The following MGST1 variants were observed in gnomAD, a reference collection of about 807,000 sequenced individuals.
The protein encoded by MGST1 is glutathione S-transferase 12.
A neutral mutation model predicts 8.9 loss-of-function variants in MGST1; 5 were observed. The ratio of observed to expected loss-of-function variants is 0.56; its 90% CI spans 0.29 to 1.19. The LOEUF is 1.19. Among genes scored for constraint, MGST1 ranks in the 50% most tolerant of loss-of-function variants. The pLI is 0.08. For missense variants in MGST1, 182 were observed against 187.4 expected (o/e 0.97, Z 0.17); for synonymous variants, 54 against 67.8 (o/e 0.80, Z 1.00).
At chr12:16,499,350 T>A (rs1247948136) in intron 4 of MGST1, among the ~76,000 whole-genome samples, 2 of 152,246 alleles carry the variant, frequency 1.3e-5, no homozygotes, top group Non-Finnish European at 2.9e-5. Flanking sequence ...TCAGGCAGTC[T>A]CTCTCTTCCT....
At chr12:16,404,496 A>G (rs1940683756) in intron 1 of MGST1, among the ~76,000 whole-genome samples, 1 of 151,802 alleles carries the variant, frequency 6.6e-6, no homozygotes, top group Admixed American at 6.6e-5. Flanking sequence ...ATTTTTAATT[A>G]TTTATTCTTT....
intron 4 of MGST1, among the ~76,000 whole-genome samples, chr12:16,472,317 TG>T (rs751810412): frequency 1.3e-5 from 2 of 152,160 alleles, no homozygotes; most frequent in Non-Finnish European, 2.9e-5. Flanking sequence ...CCACTACTGG[TG>T]TGATCATTTT....
intron 4 of MGST1, among the ~76,000 whole-genome samples, chr12:16,563,206 G>A (rs1406532112): frequency 1.3e-5 from 2 of 152,064 alleles, no homozygotes; most frequent in African/African-American, 2.4e-5. Context: ...GTGGAGATGC[G>A]GAAATCTGAT....
chr12:16,551,170 AAAGAT>A, intron 4 of MGST1: 1 of 1,178,974 alleles, frequency 8.5e-7, no homozygotes, highest in Non-Finnish European at 1.3e-6. Flanking sequence ...GTGGAGCAAA[AAAGAT>A]AAAAGAATGT....
At chr12:16,571,671 T>C (rs1203216213) in intron 4 of MGST1, among the ~76,000 whole-genome samples, 1 of 152,020 alleles carries the variant, frequency 6.6e-6, no homozygotes, top group Non-Finnish European at 1.5e-5. Context: ...TTTCACAATT[T>C]CTGTTCTTTG....
Position 16,546,062 on chromosome 12 carries a change from G to A in MGST1, n.483-43466G>A, listed in dbSNP as rs1941822125. On this transcript the variant is annotated intron_variant and non_coding_transcript_variant, in intron 4 of 4. Coordinates refer to the MGST1 transcript ENST00000538857. The surrounding 1 kb of genome is among the most constrained non-coding windows in gnomAD (Gnocchi z 4.7). ...GTGCTTTCATTTTAATAGTACCTGTGTCACAGGGGTGTTGTGGGAATTACA... is the reference window on the plus strand; with the variant it reads ...GTGCTTTCATTTTAATAGTACCTGTATCACAGGGGTGTTGTGGGAATTACA... Among the ~76,000 whole-genome samples, 1 of 152,028 alleles carries A rather than the reference G, an allele frequency of 6.6e-6. No individual in the cohort carries two copies. The highest frequency in any genetic ancestry group is 2.4e-5 in the African/African-American group (1 of 41,412).
intron 4 of MGST1, among the ~76,000 whole-genome samples, chr12:16,468,514 A>G (rs1382836263): frequency 6.6e-6 from 1 of 152,178 alleles, no homozygotes; most frequent in Non-Finnish European, 1.5e-5. Context: ...TACATCACTC[A>G]TTTAACACCA....
chr12:16,436,133 G>GAA (rs1940983889), intron 1 of MGST1, among the ~76,000 whole-genome samples: 1 of 151,746 alleles, frequency 6.6e-6, no homozygotes, highest in Non-Finnish European at 1.5e-5. Flanking sequence ...CTTCCAACAG[G>GAA]AAAAAGGCAT....
intron 4 of MGST1, among the ~76,000 whole-genome samples, chr12:16,478,503 A>C (rs528336972): frequency 6.6e-6 from 1 of 152,028 alleles, no homozygotes; most frequent in Non-Finnish European, 1.5e-5. Flanking sequence ...TTCCAAACCT[A>C]TGTGATTCTT....
Position 16,503,019 on chromosome 12 carries a change from A to G in MGST1, n.483-86509A>G, listed in dbSNP as rs1265109081. On this transcript the variant is annotated intron_variant and non_coding_transcript_variant, in intron 4 of 4. Coordinates refer to the MGST1 transcript ENST00000538857. This position sits in a 1 kb window ranked among gnomAD's most constrained non-coding sequence, Gnocchi z 4.8. ...GGATTTTGAGGTAGAGCAGTATGACATTAGGAGTAGAATATGAATGACAAG... is the reference window on the plus strand; with the variant it reads ...GGATTTTGAGGTAGAGCAGTATGACGTTAGGAGTAGAATATGAATGACAAG... 1.3e-5 allele frequency among the ~76,000 whole-genome samples: 2 copies of G among 152,206 alleles called. No individual in the cohort carries two copies. The highest frequency in any genetic ancestry group is 6.5e-5 in the Admixed American group (1 of 15,276).
At chr12:16,590,992 A>C (rs1255465164), downstream of MGST1, among the ~76,000 whole-genome samples, 6 of 152,112 alleles carry the variant, frequency 3.9e-5, no homozygotes, top group Admixed American at 3.9e-4. Flanking sequence ...TCAATTCAGC[A>C]GATGAATTCT....
downstream of MGST1, among the ~76,000 whole-genome samples, chr12:16,591,984 C>T (rs1943506694): frequency 6.6e-6 from 1 of 151,918 alleles, no homozygotes; most frequent in South Asian, 2.1e-4. The surrounding 1 kb of genome is among the most constrained non-coding windows in gnomAD (Gnocchi z 4.1). Flanking sequence ...AGTTATTTGA[C>T]AATAATAGTG....
At chr12:16,540,701 C>A (rs1161140144) in intron 4 of MGST1, among the ~76,000 whole-genome samples, 2 of 152,124 alleles carry the variant, frequency 1.3e-5, no homozygotes, top group African/African-American at 2.4e-5. Context: ...GAGGCTGAGG[C>A]AGGAGGATCA....
In MGST1 at chr12:16,582,873, C is replaced by T. The variant is rs1229477362; in HGVS notation, n.483-6655C>T. On this transcript the variant is annotated intron_variant and non_coding_transcript_variant, in intron 4 of 4. Coordinates refer to the MGST1 transcript ENST00000538857. This position sits in a 1 kb window ranked among gnomAD's most constrained non-coding sequence, Gnocchi z 4.1. ...GACCAGCCTGGCCAACATGGCGAAA[C>T]CCCGTCTCTACTAAAATAAAAAAAT... Among the ~76,000 whole-genome samples, 2 of 151,920 alleles carry T rather than the reference C, an allele frequency of 1.3e-5. No individual in the cohort carries two copies. Among genetic ancestry groups the T allele is most frequent in the East Asian group, 3.9e-4 (2 of 5,166 alleles).
At chr12:16,450,684 C>G (rs1264764903) in intron 4 of MGST1, among the ~76,000 whole-genome samples, 1 of 151,954 alleles carries the variant, frequency 6.6e-6, no homozygotes, top group South Asian at 2.1e-4. Context: ...TTCAAAGGGG[C>G]ACCCCTATGA....
chr12:16,558,210 T>C (rs999540895), intron 4 of MGST1, among the ~76,000 whole-genome samples: 1 of 152,100 alleles, frequency 6.6e-6, no homozygotes, highest in African/African-American at 2.4e-5. Context: ...ATTTGTCCTA[T>C]AGACATAGGA....
downstream of MGST1, among the ~76,000 whole-genome samples, chr12:16,367,931 C>T (rs1284602583): frequency 8.1e-6 from 1 of 122,788 alleles, no homozygotes; most frequent in Non-Finnish European, 1.5e-5. Flanking sequence ...TTGGGCTATC[C>T]AATCATTCTT....
chr12:16,363,857 T>C lies in MGST1; in HGVS notation c.284T>C (p.Leu95Ser). The change falls in exon 4 of 4, where the codon TTG (leucine) becomes TCG (serine). Residue 95 changes from leucine to serine, a missense_variant. Transcript: ENST00000396210. This position sits in a 1 kb window ranked among gnomAD's most constrained non-coding sequence, Gnocchi z 4.6. ...CTTGGAATTGGCCTCCTGTATTCCT[T>C]GAGTGGTCCCGACCCCTCTACAGCC... The part of the protein sequence containing the change: ...PFLGIGLLYS[L>S]SGPDPSTAIL... 2.5e-6 allele frequency: 4 copies of C among 1,613,656 alleles called. No homozygotes were observed. In the East Asian group the frequency reaches 8.9e-5, roughly 36 times the overall value.
intron 4 of MGST1, among the ~76,000 whole-genome samples, chr12:16,519,259 T>G (rs1941633717): frequency 2.0e-5 from 3 of 152,360 alleles, no homozygotes; most frequent in Non-Finnish European, 4.4e-5. Flanking sequence ...AGACAGTTAT[T>G]GACTTATAAC....
Sources: allele counts gnomAD v4.1 joint callset (sites outside exome capture counted in the v4.1 genomes callset), GRCh38; gene constraint gnomAD v4.1.1; non-coding constraint Gnocchi (gnomAD v3.1); transcripts MANE v1.5; gene names NCBI Gene and HGNC (gene_info 2026-07-23, HGNC 2026-07-21).